The following PBX1 variants were observed in gnomAD, a reference collection of about 807,000 sequenced individuals.
PBX1 encodes the protein PBX homeobox 1.
In PBX1, 6 loss-of-function variants were observed where a neutral mutation model predicts 53.4. The ratio of observed to expected loss-of-function variants is 0.11; its 90% CI spans 0.06 to 0.22. The LOEUF is 0.22. Among genes scored for constraint, PBX1 ranks in the 10% least tolerant of loss-of-function variants. The pLI is 1.00. For missense variants in PBX1, 251 were observed against 551.4 expected (o/e 0.46, Z 5.46); for synonymous variants, 204 against 212.3 (o/e 0.96, Z 0.34).
intron 2 of PBX1, among the ~76,000 whole-genome samples, chr1:164,883,471 AT>A (rs764026866): frequency 6.6e-6 from 1 of 152,210 alleles, no homozygotes; most frequent in Non-Finnish European, 1.5e-5. Flanking sequence ...AACAGAAAAA[AT>A]ATCTTTATAA....
At chr1:164,735,849 G>T (rs1272588518) in intron 2 of PBX1, among the ~76,000 whole-genome samples, 1 of 152,180 alleles carries the variant, frequency 6.6e-6, no homozygotes, top group African/African-American at 2.4e-5. Flanking sequence ...ATTATCTATG[G>T]TGAGGGAACA....
chr1:164,650,433 T>G (rs1370019994), intron 2 of PBX1, among the ~76,000 whole-genome samples: 2 of 152,096 alleles, frequency 1.3e-5, no homozygotes, highest in African/African-American at 2.4e-5. Flanking sequence ...TTGACCATAT[T>G]GGCCAGGTTG....
chr1:164,596,027 G>C (rs1655731124), intron 2 of PBX1, among the ~76,000 whole-genome samples: 1 of 151,392 alleles, frequency 6.6e-6, no homozygotes, highest in African/African-American at 2.4e-5. Flanking sequence ...ATTAGAGTGA[G>C]TTGTAAAGAA....
At chr1:164,589,725 A>T (rs12047193) in intron 2 of PBX1, among the ~76,000 whole-genome samples, 1 of 152,082 alleles carries the variant, frequency 6.6e-6, no homozygotes, top group Non-Finnish European at 1.5e-5. Context: ...GGGGAAGGAG[A>T]CTGACAAATA....
intron 2 of PBX1, among the ~76,000 whole-genome samples, chr1:164,564,550 C>T (rs1160687596): frequency 6.6e-6 from 1 of 152,218 alleles, no homozygotes; most frequent in East Asian, 1.9e-4. Flanking sequence ...TAGTACGCAG[C>T]TCCTTTGTTG....
At chr1:164,740,285 C>T (rs530931350) in intron 2 of PBX1, among the ~76,000 whole-genome samples, 1 of 152,030 alleles carries the variant, frequency 6.6e-6, no homozygotes, top group South Asian at 2.1e-4. Context: ...CCATACTGAG[C>T]CATATACTTG....
chr1:164,766,929 G>A (rs1571363860), intron 2 of PBX1, among the ~76,000 whole-genome samples: 2 of 151,526 alleles, frequency 1.3e-5, no homozygotes, highest in African/African-American at 4.8e-5. Flanking sequence ...GGGGTTTCAC[G>A]ATGTTGGTCA....
At chr1:164,868,884 A>G (rs1447493798) in intron 2 of PBX1, among the ~76,000 whole-genome samples, 2 of 152,174 alleles carry the variant, frequency 1.3e-5, no homozygotes, top group Non-Finnish European at 2.9e-5. Flanking sequence ...TAGAGCAGCT[A>G]CTGATTCTAA....
At chr1:164,853,758 G>A (rs1355566450), downstream of PBX1, among the ~76,000 whole-genome samples, 2 of 152,058 alleles carry the variant, frequency 1.3e-5, no homozygotes, top group African/African-American at 2.4e-5. Context: ...CTAGCTGGAA[G>A]AATCAAGTCT....
intron 2 of PBX1, among the ~76,000 whole-genome samples, chr1:164,696,606 T>C (rs1205463294): frequency 6.6e-6 from 1 of 152,142 alleles, no homozygotes; most frequent in Non-Finnish European, 1.5e-5. Flanking sequence ...CCTGAGAGAA[T>C]GGGTTTGGCA....
intron 2 of PBX1, among the ~76,000 whole-genome samples, chr1:164,643,069 G>T (rs575901244): frequency 6.6e-6 from 1 of 152,240 alleles, no homozygotes; most frequent in African/African-American, 2.4e-5. Flanking sequence ...TAGAAACCTA[G>T]CCAAACAAAG....
chr1:164,655,099 TG>T (rs796838573), intron 2 of PBX1, among the ~76,000 whole-genome samples: 48 of 34,494 alleles, frequency 1.4e-3, no homozygotes, highest in African/African-American at 4.8e-3. Flanking sequence ...CTCTGATGTG[TG>T]TTTTTTTTTT....
intron 2 of PBX1, among the ~76,000 whole-genome samples, chr1:164,579,948 A>G (rs568087672): frequency 1.2e-4 from 18 of 152,356 alleles, no homozygotes; most frequent in Non-Finnish European, 2.4e-4. Flanking sequence ...CTAAAGTCAC[A>G]TAGCTAATGA....
intron 2 of PBX1, among the ~76,000 whole-genome samples, chr1:164,672,848 GTTCT>G (rs1171357385): frequency 6.6e-6 from 1 of 152,198 alleles, no homozygotes; most frequent in Admixed American, 6.5e-5. Flanking sequence ...CCCATAATTT[GTTCT>G]TTCAAAATTC....
intron 2 of PBX1, among the ~76,000 whole-genome samples, chr1:164,616,915 A>C (rs1460941556): frequency 1.3e-5 from 2 of 152,218 alleles, no homozygotes; most frequent in African/African-American, 4.8e-5. Flanking sequence ...TGAGGTTCAA[A>C]TAAGTTAAGT....
chr1:164,751,689 C>A (rs1666230361), intron 2 of PBX1, among the ~76,000 whole-genome samples: 1 of 147,144 alleles, frequency 6.8e-6, no homozygotes, highest in Non-Finnish European at 1.5e-5. Flanking sequence ...TCAGGTGATT[C>A]TCCTGCCTCC....
At chr1:164,762,492 A>G (rs1255898464) in intron 2 of PBX1, among the ~76,000 whole-genome samples, 1 of 152,224 alleles carries the variant, frequency 6.6e-6, no homozygotes, top group Non-Finnish European at 1.5e-5. Context: ...TTTAAAAAAT[A>G]TAAAGTGTGC....
intron 2 of PBX1, among the ~76,000 whole-genome samples, chr1:164,871,429 C>G (rs1672380146): frequency 6.6e-6 from 1 of 152,228 alleles, no homozygotes; most frequent in South Asian, 2.1e-4. Flanking sequence ...AAATGTGAAG[C>G]AGGTTGGCAG....
chr1:164,772,469 C>A (rs950878269), intron 2 of PBX1, among the ~76,000 whole-genome samples: 21 of 152,176 alleles, frequency 1.4e-4, no homozygotes, highest in Non-Finnish European at 2.5e-4. Flanking sequence ...CACAACTGGT[C>A]TGGAAAAAGA....
Sources: allele counts gnomAD v4.1 joint callset (sites outside exome capture counted in the v4.1 genomes callset), GRCh38; gene constraint gnomAD v4.1.1; transcripts MANE v1.5; gene names NCBI Gene and HGNC (gene_info 2026-07-23, HGNC 2026-07-21).